BCL11A: variants seen among roughly 807,000 people sequenced by gnomAD.
BCL11A encodes the protein BCL11 transcription factor A.
In BCL11A, 2 loss-of-function variants were observed where a neutral mutation model predicts 55.9. That is an observed-to-expected ratio of 0.04 (90% CI 0.01 to 0.11). The LOEUF is 0.11. BCL11A is among the 10% of genes least tolerant of loss of function. The probability of loss-of-function intolerance (pLI) is 1.00; values close to 1 mark genes in which losing one functional copy is unlikely to be tolerated. For missense variants in BCL11A, 817 were observed against 1,137.1 expected, an observed-to-expected ratio of 0.72 and a Z score of 4.05; for synonymous variants, 465 against 473.4, an observed-to-expected ratio of 0.98 and a Z score of 0.23.
chr2:60,505,915 G>A (rs1015163795), intron 2 of BCL11A, among the ~76,000 whole-genome samples: 2 of 152,218 alleles, frequency 1.3e-5, no homozygotes, highest in Non-Finnish European at 2.9e-5. Context: ...ATACCCAGAA[G>A]CAATAGCAGC....
chr2:60,538,737 C>CTGTGTG (rs771828867), intron 2 of BCL11A, among the ~76,000 whole-genome samples: 190 of 118,746 alleles, frequency 1.6e-3, no homozygotes, highest in African/African-American at 5.7e-3. Flanking sequence ...CTCTCTCTCT[C>CTGTGTG]TCTGTGTGTG....
At chr2:60,477,469 G>A (rs1336692828) in intron 2 of BCL11A, among the ~76,000 whole-genome samples, 1 of 152,190 alleles carries the variant, frequency 6.6e-6, no homozygotes, top group African/African-American at 2.4e-5. Flanking sequence ...GGGGCAAGGG[G>A]AGGGATAGCA....
chr2:60,534,167 C>A (rs1270182029), intron 2 of BCL11A: 1 of 152,240 alleles, frequency 6.6e-6, no homozygotes, highest in African/African-American at 2.4e-5. Context: ...TTGTTTTCAC[C>A]ACCAGGGCAC....
intron 2 of BCL11A, among the ~76,000 whole-genome samples, chr2:60,512,268 C>T (rs1176816661): frequency 6.6e-6 from 1 of 152,132 alleles, no homozygotes; most frequent in Non-Finnish European, 1.5e-5. Context: ...TGGTGGCTGC[C>T]CGATGCGCTG....
intron 2 of BCL11A, among the ~76,000 whole-genome samples, chr2:60,513,912 G>A (rs1010382454): frequency 6.6e-6 from 1 of 152,180 alleles, no homozygotes; most frequent in African/African-American, 2.4e-5. Flanking sequence ...TTCCTGGCTT[G>A]TGGTGAGCAA....
intron 2 of BCL11A, among the ~76,000 whole-genome samples, chr2:60,487,911 C>T (rs1678375131): frequency 6.6e-6 from 1 of 152,220 alleles, no homozygotes; most frequent in African/African-American, 2.4e-5. Context: ...AGTACTCCAA[C>T]TCCAGCTCCC....
chr2:60,465,433 C>T (rs1024512534), intron 3 of BCL11A, among the ~76,000 whole-genome samples: 1 of 152,174 alleles, frequency 6.6e-6, no homozygotes, highest in Non-Finnish European at 1.5e-5. Context: ...GACACCTGGC[C>T]CCTAAGCATA....
intron 2 of BCL11A, among the ~76,000 whole-genome samples, chr2:60,520,669 G>A (rs1370965678): frequency 6.6e-6 from 1 of 152,154 alleles, no homozygotes; most frequent in Non-Finnish European, 1.5e-5. Context: ...AACCACAGAA[G>A]CACCAAGGAG....
chr2:60,489,000 T>C (rs1048348285), intron 2 of BCL11A, among the ~76,000 whole-genome samples: 1 of 152,154 alleles, frequency 6.6e-6, no homozygotes, highest in Non-Finnish European at 1.5e-5. Context: ...CCTTAGGTGA[T>C]CCACCCACCT....
intron 1 of BCL11A, among the ~76,000 whole-genome samples, chr2:60,552,542 C>G (rs1171950860): frequency 6.6e-6 from 1 of 152,232 alleles, no homozygotes; most frequent in African/African-American, 2.4e-5. Context: ...CGTCTCCCGT[C>G]CTTCCCGGTC....
At chr2:60,464,904 A>G (rs1161325421) in intron 3 of BCL11A, among the ~76,000 whole-genome samples, 1 of 152,200 alleles carries the variant, frequency 6.6e-6, no homozygotes, top group African/African-American at 2.4e-5. Context: ...TCTTATAATG[A>G]GCATACAACA....
intron 2 of BCL11A, among the ~76,000 whole-genome samples, chr2:60,538,739 C>CTCTCTCTCTG (rs1436371909): frequency 3.0e-5 from 2 of 67,432 alleles, no homozygotes; most frequent in African/African-American, 8.7e-5. Flanking sequence ...CTCTCTCTCT[C>CTCTCTCTCTG]TGTGTGTGTG....
chr2:60,457,670 G>GTTT lies in BCL11A; in HGVS notation c.*2731_*2733dup. 6.5e-6 allele frequency: 6 copies of GTTT among 929,398 alleles called. No individual in the cohort carries two copies. Among genetic ancestry groups the GTTT allele is most frequent in the East Asian group, 1.5e-4 (2 of 13,040 alleles). The allele number at this position is 929,398 out of a possible 1,614,324, so 57.6% of individuals were successfully genotyped here. A position where few individuals can be genotyped will look rare whatever the true frequency, so the allele number is the denominator to read the frequency against. ...CAATGAAAAAAACTGCAAAACATTG[G>GTTT]TTTTTTTTTTTTTTTCCTTTTTTTT... On this transcript the variant is annotated 3_prime_UTR_variant, in exon 4 of 4. Coordinates refer to ENST00000642384, the MANE Select transcript of BCL11A (RefSeq NM_022893.4).
chr2:60,517,250 T>G (rs983620533), intron 2 of BCL11A, among the ~76,000 whole-genome samples: 5 of 152,036 alleles, frequency 3.3e-5, no homozygotes, highest in African/African-American at 1.2e-4. Flanking sequence ...CCACCCCAAC[T>G]CCATCTACTC....
rs143980861 is a variant in BCL11A, at chr2:60,501,051, C to T, written c.386-32218G>A. On this transcript the variant is annotated intron_variant, in intron 2 of 3. Coordinates refer to ENST00000642384, the MANE Select transcript of BCL11A (RefSeq NM_022893.4). Reference sequence around the variant, plus strand: ...CAGCCGACCTCATGGTTGACTCACTCAGCAACAGAGGTCTCCACAGGAGCC... The same window carrying T: ...CAGCCGACCTCATGGTTGACTCACTTAGCAACAGAGGTCTCCACAGGAGCC... Among the ~76,000 whole-genome samples the T allele has an allele frequency of 1.9e-3, 297 of 152,338 alleles. 1 individual carries two copies. Among genetic ancestry groups the T allele is most frequent in the African/African-American group, 6.9e-3 (287 of 41,586 alleles).
intron 2 of BCL11A, among the ~76,000 whole-genome samples, chr2:60,531,833 G>A (rs1036660597): frequency 1.3e-5 from 2 of 152,152 alleles, no homozygotes; most frequent in African/African-American, 4.8e-5. Flanking sequence ...TCTGCCGGCC[G>A]CAGCTGTTCT....
intron 2 of BCL11A, among the ~76,000 whole-genome samples, chr2:60,521,349 A>G (rs1221185068): frequency 6.6e-6 from 1 of 152,232 alleles, no homozygotes; most frequent in African/African-American, 2.4e-5. Context: ...TTGTAAAACC[A>G]GAGGGACCCG....
intron 2 of BCL11A, among the ~76,000 whole-genome samples, chr2:60,492,219 T>G (rs574350827): frequency 6.6e-6 from 1 of 152,130 alleles, no homozygotes; most frequent in African/African-American, 2.4e-5. Context: ...TCTACAAAAT[T>G]AGCCAGGCAT....
At chr2:60,517,586 G>C (rs1395875960) in intron 2 of BCL11A, among the ~76,000 whole-genome samples, 1 of 152,232 alleles carries the variant, frequency 6.6e-6, no homozygotes, top group South Asian at 2.1e-4. Flanking sequence ...ATAAAAGCGT[G>C]GGTGCAAGTT....
Sources: gnomAD v4.1 joint callset for allele counts (sites outside exome capture counted in the v4.1 genomes callset) on GRCh38, gnomAD v4.1.1 for gene constraint, MANE v1.5 for transcripts, NCBI Gene and HGNC (gene_info 2026-07-23, HGNC 2026-07-21) for gene names.